Variants in HCN1 observed in about 807,000 individuals in gnomAD.
HCN1 encodes potassium/sodium hyperpolarization-activated cyclic nucleotide-gated channel 1.
Under a neutral mutation model 78.9 loss-of-function variants are expected in HCN1, and 13 were observed. The ratio of observed to expected loss-of-function variants is 0.16; its 90% CI spans 0.11 to 0.26. The LOEUF is 0.26. Ranked by LOEUF, HCN1 falls within the 10% of genes least tolerant of loss-of-function variation. The probability of loss-of-function intolerance (pLI) is 1.00; values close to 1 mark genes in which losing one functional copy is unlikely to be tolerated. For missense variants in HCN1, 810 were observed against 1,154.3 expected (o/e 0.70, Z 4.32); for synonymous variants, 552 against 455.5 (o/e 1.21, Z -2.70).
rs1472521670 is a variant in HCN1 at position 45,357,999 on chromosome 5, C to T, written c.1231-4753G>A. On this transcript the variant is annotated intron_variant, in intron 4 of 7. Coordinates refer to ENST00000303230, the MANE Select transcript of HCN1 (RefSeq NM_021072.4). ...CTCACCATAAGGTCTGTGCATACTC[C>T]TGCTCCCCTTCACTTTCTGCCATGA... Among the ~76,000 whole-genome samples the T allele has an allele frequency of 2.0e-5, 3 of 152,142 alleles. No individual in the cohort carries two copies. The East Asian group carries it at 5.8e-4, about 30-fold the overall frequency.
intron 2 of HCN1, among the ~76,000 whole-genome samples, chr5:45,480,578 G>A (rs1741628843): frequency 6.6e-6 from 1 of 152,138 alleles, no homozygotes; most frequent in Non-Finnish European, 1.5e-5. Context: ...ACACTCAAAT[G>A]AGAAGGGAGG....
At chr5:45,360,861 C>T (rs1313282655) in intron 4 of HCN1, among the ~76,000 whole-genome samples, 2 of 151,942 alleles carry the variant, frequency 1.3e-5, no homozygotes, top group Non-Finnish European at 2.9e-5. Flanking sequence ...TCAGATACTC[C>T]TATTTTATCT....
chr5:45,459,546 C>T (rs1425179122), intron 3 of HCN1, among the ~76,000 whole-genome samples: 1 of 151,936 alleles, frequency 6.6e-6, no homozygotes, highest in Non-Finnish European at 1.5e-5. Context: ...CACATGAACA[C>T]ACACATTTGA....
chr5:45,461,827 A>G lies in HCN1; in HGVS notation c.1011+19T>C. On this transcript the variant is annotated intron_variant, in intron 3 of 7. Coordinates refer to ENST00000303230, the MANE Select transcript of HCN1 (RefSeq NM_021072.4). Reference sequence around the variant, plus strand: ...ACAACGTTGAAAAGTCAGAGTGTAAAATAACAGAATTTACTTACAACCATT... The same window carrying G: ...ACAACGTTGAAAAGTCAGAGTGTAAGATAACAGAATTTACTTACAACCATT... 6.2e-7 allele frequency: 1 copy of G among 1,608,462 alleles called. No individual in the cohort carries two copies. Among genetic ancestry groups the G allele is most frequent in the Non-Finnish European group, 8.5e-7 (1 of 1,175,386 alleles).
intron 2 of HCN1, among the ~76,000 whole-genome samples, chr5:45,560,541 A>G (rs1743576378): frequency 6.6e-6 from 1 of 152,020 alleles, no homozygotes; most frequent in African/African-American, 2.4e-5. Flanking sequence ...GACCCTAAAT[A>G]TTTTAAAAAT....
rs77793696 is a variant in HCN1, at chr5:45,672,420, C to T, written c.425+23249G>A. Reference sequence around the variant, plus strand: ...ACAGACAGAAGGATGTTTTCAGATGCCACTTGTCTACGTTAAGTACTTGCT... The same window carrying T: ...ACAGACAGAAGGATGTTTTCAGATGTCACTTGTCTACGTTAAGTACTTGCT... On this transcript the variant is annotated intron_variant, in intron 1 of 7. Coordinates refer to ENST00000303230, the MANE Select transcript of HCN1 (RefSeq NM_021072.4). Among the ~76,000 whole-genome samples the T allele has an allele frequency of 2.9e-3, 443 of 151,472 alleles. 5 individuals are homozygous for T. The highest frequency in any genetic ancestry group is 0.01 in the African/African-American group (425 of 41,438).
At chr5:45,464,157 T>C (rs1007101740) in intron 2 of HCN1, among the ~76,000 whole-genome samples, 18 of 152,088 alleles carry the variant, frequency 1.2e-4, no homozygotes, top group Non-Finnish European at 1.5e-5. Context: ...TAAAATAATA[T>C]GCTAAGTTAT....
intron 1 of HCN1, among the ~76,000 whole-genome samples, chr5:45,658,261 G>C (rs879414667): frequency 4.4e-4 from 67 of 152,134 alleles, no homozygotes; most frequent in Non-Finnish European, 9.0e-4. Context: ...AGACTTAAAT[G>C]TTAGACCTAA....
intron 2 of HCN1, among the ~76,000 whole-genome samples, chr5:45,506,595 G>C (rs1284806610): frequency 1.3e-5 from 2 of 151,956 alleles, no homozygotes; most frequent in African/African-American, 4.8e-5. Flanking sequence ...AATGCAAACT[G>C]GGTTCATCAA....
intron 3 of HCN1, among the ~76,000 whole-genome samples, chr5:45,430,140 A>G (rs1467415788): frequency 6.6e-6 from 1 of 152,218 alleles, no homozygotes; most frequent in African/African-American, 2.4e-5. Flanking sequence ...AAACTCCAAC[A>G]TTCATCAAAT....
At chr5:45,520,777 G>T (rs1742598893) in intron 2 of HCN1, among the ~76,000 whole-genome samples, 4 of 151,918 alleles carry the variant, frequency 2.6e-5, no homozygotes, top group Admixed American at 2.6e-4. Context: ...GTTTTACAAT[G>T]GAGAATAAGC....
At chr5:45,669,502 A>T (rs144960865) in intron 1 of HCN1, among the ~76,000 whole-genome samples, 469 of 151,914 alleles carry the variant, frequency 3.1e-3, no homozygotes, top group Non-Finnish European at 4.7e-3. Flanking sequence ...GCCAGGACCA[A>T]GGAAACAGCT....
chr5:45,650,495 G>A (rs945801803), intron 1 of HCN1, among the ~76,000 whole-genome samples: 1 of 151,876 alleles, frequency 6.6e-6, no homozygotes, highest in African/African-American at 2.4e-5. Flanking sequence ...TGAAATACCA[G>A]CAAAGCAGAG....
chr5:45,551,650 G>A (rs1743373460), intron 2 of HCN1, among the ~76,000 whole-genome samples: 2 of 151,916 alleles, frequency 1.3e-5, no homozygotes, highest in African/African-American at 4.8e-5. Flanking sequence ...CATTGCTAAA[G>A]GAAACTTTCA....
chr5:45,687,451 G>A (rs1206867724), intron 1 of HCN1, among the ~76,000 whole-genome samples: 2 of 151,764 alleles, frequency 1.3e-5, no homozygotes, highest in African/African-American at 2.4e-5. Context: ...ATTCCCTTTT[G>A]TCTTTTTGTT....
intron 4 of HCN1, among the ~76,000 whole-genome samples, chr5:45,367,471 G>T (rs1448365530): frequency 1.3e-5 from 2 of 151,878 alleles, no homozygotes; most frequent in Admixed American, 6.6e-5. Context: ...GTTACCTGTT[G>T]ACACTGCTTT....
chr5:45,684,267 G>A (rs1230763394), intron 1 of HCN1, among the ~76,000 whole-genome samples: 1 of 152,118 alleles, frequency 6.6e-6, no homozygotes, highest in Non-Finnish European at 1.5e-5. Flanking sequence ...AATCATGAAT[G>A]ATTAGTATAA....
At chr5:45,451,848 C>T (rs973300364) in intron 3 of HCN1, among the ~76,000 whole-genome samples, 1 of 151,914 alleles carries the variant, frequency 6.6e-6, no homozygotes, top group African/African-American at 2.4e-5. Context: ...AAGCCCTTCC[C>T]CATGTTGTAG....
intron 3 of HCN1, among the ~76,000 whole-genome samples, chr5:45,397,534 G>A (rs544565020): frequency 5.9e-5 from 9 of 151,276 alleles, no homozygotes; most frequent in Non-Finnish European, 1.3e-4. Context: ...ATTATTTTTT[G>A]GATAAATTTT....
Sources: allele counts gnomAD v4.1 joint callset (sites outside exome capture counted in the v4.1 genomes callset), GRCh38; gene constraint gnomAD v4.1.1; transcripts MANE v1.5; gene names NCBI Gene and HGNC (gene_info 2026-07-23, HGNC 2026-07-21).